Variants in PCDH15 observed in about 807,000 individuals in gnomAD.
The protein encoded by PCDH15 is protocadherin-15.
Under a neutral mutation model 178.5 loss-of-function variants are expected in PCDH15, and 129 were observed. The observed-to-expected ratio is 0.72, with a 90% confidence interval of 0.63 to 0.84. PCDH15 has a LOEUF of 0.84. Among genes scored for constraint, PCDH15 ranks in the 40% least tolerant of loss-of-function variants. The pLI, the probability that PCDH15 is intolerant of heterozygous loss-of-function variation, is 0.00. For synonymous variants in PCDH15, 800 were observed against 732.0 expected, an observed-to-expected ratio of 1.09 and a Z score of -1.50; for missense variants, 2,230 against 2,099.9, an observed-to-expected ratio of 1.06 and a Z score of -1.21.
chr10:55,537,583 G>T (rs1396575478), intron 2 of PCDH15, among the ~76,000 whole-genome samples: 2 of 151,904 alleles, frequency 1.3e-5, no homozygotes, highest in East Asian at 3.9e-4. Context: ...TTACAGGCAC[G>T]TGCCATCACA....
At chr10:55,170,178 C>T (rs1277738833) in intron 1 of PCDH15, among the ~76,000 whole-genome samples, 1 of 151,076 alleles carries the variant, frequency 6.6e-6, no homozygotes, top group Non-Finnish European at 1.5e-5. Context: ...CAGTGTCTCA[C>T]TCACTCTGTG....
intron 2 of PCDH15, among the ~76,000 whole-genome samples, chr10:55,023,390 A>G (rs1424298175): frequency 2.0e-5 from 3 of 152,252 alleles, no homozygotes; most frequent in Non-Finnish European, 4.4e-5. Flanking sequence ...CGTTGTCGGT[A>G]GAAAAACATT....
chr10:55,562,766 A>G (rs910889439), intron 2 of PCDH15, among the ~76,000 whole-genome samples: 1 of 152,014 alleles, frequency 6.6e-6, no homozygotes, highest in African/African-American at 2.4e-5. Context: ...TTTGGTTTAC[A>G]TAACTGGATA....
At chr10:55,248,248 G>A (rs1463556670) in intron 1 of PCDH15, among the ~76,000 whole-genome samples, 1 of 151,256 alleles carries the variant, frequency 6.6e-6, no homozygotes, top group Non-Finnish European at 1.5e-5. Flanking sequence ...CTATATATCA[G>A]ATTTTATGAT....
chr10:54,969,234 G>A (rs150935483), intron 2 of PCDH15, among the ~76,000 whole-genome samples: 44 of 152,262 alleles, frequency 2.9e-4, no homozygotes, highest in African/African-American at 8.4e-4. Flanking sequence ...TGTGCTAGGA[G>A]AGAGGCACAT....
intron 3 of PCDH15, among the ~76,000 whole-genome samples, chr10:54,459,017 C>G (rs572753830): frequency 1.3e-5 from 2 of 152,102 alleles, no homozygotes; most frequent in Non-Finnish European, 2.9e-5. Context: ...CTCCCCATGT[C>G]TGCGTGGGTT....
chr10:53,990,997 C>A (rs935498277), intron 21 of PCDH15, among the ~76,000 whole-genome samples: 3 of 152,092 alleles, frequency 2.0e-5, no homozygotes, highest in Non-Finnish European at 4.4e-5. Context: ...CAGCACTGCC[C>A]GCCCGCCCAC....
chr10:55,547,910 T>TGTGTGTGAGAGAGTGAGAGAGA (rs541144266), intron 2 of PCDH15, among the ~76,000 whole-genome samples: 1 of 54,508 alleles, frequency 1.8e-5, no homozygotes, highest in Non-Finnish European at 3.4e-5. Context: ...TGTGTGTGTG[T>TGTGTGTGAGAGAGTGAGAGAGA]GAGAGAGAGA....
intron 9 of PCDH15, among the ~76,000 whole-genome samples, chr10:54,216,228 G>A (rs539185737): frequency 2.0e-4 from 31 of 152,158 alleles, no homozygotes; most frequent in Middle Eastern, 3.4e-3. Context: ...GGCTGAGGTG[G>A]GCAGATCATC....
chr10:54,972,322 C>T (rs1838954409), intron 2 of PCDH15, among the ~76,000 whole-genome samples: 1 of 150,302 alleles, frequency 6.7e-6, no homozygotes, highest in South Asian at 2.1e-4. Context: ...GGCGGATCAC[C>T]TGAGGTCAGG....
Position 53,806,440 on chromosome 10 carries a change from A to C in PCDH15, c.*139T>G. 4.0e-6 allele frequency: 3 copies of C among 751,178 alleles called. No homozygotes were observed. Among genetic ancestry groups the C allele is most frequent in the Non-Finnish European group, 4.1e-6 (2 of 482,418 alleles). The allele number at this position is 751,178 out of a possible 1,614,324, so 46.5% of individuals were successfully genotyped here. On this transcript the variant is annotated 3_prime_UTR_variant, in exon 38 of 38. Coordinates refer to ENST00000644397, the MANE Select transcript of PCDH15 (RefSeq NM_001384140.1). ...ATGTGAGTGCAAATCTGTCTCTTAA[A>C]ATTTTAAAGCATATTGTTCAAAGTT...
At chr10:55,062,590 T>A (rs1410298888) in intron 2 of PCDH15, among the ~76,000 whole-genome samples, 1 of 152,136 alleles carries the variant, frequency 6.6e-6, no homozygotes, top group African/African-American at 2.4e-5. Flanking sequence ...AAGGGAAAGA[T>A]GGATAAATAG....
At chr10:53,960,808 T>G (rs2134288102) in intron 22 of PCDH15, among the ~76,000 whole-genome samples, 1 of 152,310 alleles carries the variant, frequency 6.6e-6, no homozygotes, top group Middle Eastern at 3.4e-3. Context: ...CACTGATCCT[T>G]ACGTGGTTAA....
At position 53,912,537 on chromosome 10, in the gene PCDH15, A is replaced by G. The variant is rs140847182; in HGVS notation, c.3374-9167T>C. On this transcript the variant is annotated intron_variant, in intron 25 of 37. Transcript: ENST00000644397. ...TTGCAGATGACATGATTGTATATTT[A>G]GAAAACCCCATTGTCTCGGCCCAAA... is the stretch of plus-strand genomic sequence containing the variant. Among the ~76,000 whole-genome samples, 831 of 152,360 alleles carry G rather than the reference A, an allele frequency of 5.5e-3. 9 individuals carry two copies. Among genetic ancestry groups the G allele is most frequent in the African/African-American group, 0.019 (776 of 41,586 alleles).
chr10:53,965,564 A>G (rs1006534803), intron 21 of PCDH15, among the ~76,000 whole-genome samples: 1 of 152,200 alleles, frequency 6.6e-6, no homozygotes, highest in African/African-American at 2.4e-5. Context: ...TGGCAATACA[A>G]TTGAGCAAAA....
chr10:55,091,375 A>C (rs1247384378), intron 2 of PCDH15, among the ~76,000 whole-genome samples: 2 of 151,966 alleles, frequency 1.3e-5, no homozygotes, highest in Non-Finnish European at 2.9e-5. Context: ...GTTTGCTAAT[A>C]ACATTTTACA....
rs1161120610 is a variant in PCDH15 at position 53,806,958 on chromosome 10, C to A, written c.4844G>T (p.Arg1615Leu). 13 of 1,613,746 alleles carry A rather than the reference C, an allele frequency of 8.1e-6. No individual in the cohort carries two copies. Among genetic ancestry groups the A allele is most frequent in the Non-Finnish European group, 1.1e-5 (13 of 1,179,788 alleles). Reference protein sequence around the residue: ...IAQNGSVVRTRRACLTDNLKV... With the variant: ...IAQNGSVVRTLRACLTDNLKV... The stretch of plus-strand genomic sequence containing the variant: ...TAAGTTGTCCGTGAGGCAGGCACGG[C>A]GGGTTCTCACCACAGAACCATTCTG... The change falls in exon 38 of 38, where the codon CGC becomes CTC. Residue 1615 changes from arginine to leucine, a missense_variant. Transcript: ENST00000644397.
chr10:54,811,343 A>T (rs937134020), intron 3 of PCDH15, among the ~76,000 whole-genome samples: 4 of 152,146 alleles, frequency 2.6e-5, no homozygotes, highest in African/African-American at 9.7e-5. Context: ...TGATATAGTT[A>T]ATTTCATGAA....
intron 26 of PCDH15, among the ~76,000 whole-genome samples, chr10:53,900,969 TC>T (rs2082298291): frequency 6.6e-6 from 1 of 152,164 alleles, no homozygotes; most frequent in African/African-American, 2.4e-5. Flanking sequence ...GATGTAAAAA[TC>T]CACAAGGGCA....
Sources: gnomAD v4.1 joint callset for allele counts (sites outside exome capture counted in the v4.1 genomes callset) on GRCh38, gnomAD v4.1.1 for gene constraint, MANE v1.5 for transcripts, NCBI Gene and HGNC (gene_info 2026-07-23, HGNC 2026-07-21) for gene names.